BNIP2: variants seen among roughly 807,000 people sequenced by gnomAD.
BNIP2 encodes the protein BCL2/adenovirus E1B 19 kDa protein-interacting protein 2.
A neutral mutation model predicts 43.4 loss-of-function variants in BNIP2; 36 were observed. That is an observed-to-expected ratio of 0.83 (90% CI 0.64 to 1.10). The LOEUF is 1.10. Among genes scored for constraint, BNIP2 ranks in the 50% least tolerant of loss-of-function variants. The pLI, the probability that BNIP2 is intolerant of heterozygous loss-of-function variation, is 0.00. For missense variants in BNIP2, 417 were observed against 374.1 expected, an observed-to-expected ratio of 1.11 and a Z score of -0.95; for synonymous variants, 146 against 121.0, an observed-to-expected ratio of 1.21 and a Z score of -1.35.
At position 59,663,469 on chromosome 15, in the gene BNIP2, A is replaced by C. The variant is rs1057059; in HGVS notation, c.*600T>G. On this transcript the variant is annotated 3_prime_UTR_variant, in exon 10 of 10. Transcript: ENST00000607373. ...AAACAAATATGTTAAATGAGAAAAA[A>C]ACCTTGGGATGGTACTAATACACTT... 47,718 of 152,566 alleles carry C rather than the reference A, an allele frequency of 0.31. 8,427 individuals carry two copies. Among genetic ancestry groups the C allele is most frequent in the East Asian group, 0.58 (3,030 of 5,188 alleles). 9.5% of individuals were successfully genotyped at this position (152,566 alleles called of 1,614,324 possible). A position where few individuals can be genotyped will look rare whatever the true frequency, so the allele number is the denominator to read the frequency against.
Position 59,683,328 on chromosome 15 carries a change from T to A in BNIP2, c.-57-814A>T, listed in dbSNP as rs572240282. Among the ~76,000 whole-genome samples, 5 of 152,306 alleles carry A rather than the reference T, an allele frequency of 3.3e-5. No homozygotes were observed. The South Asian group carries it at 1.0e-3, about 32-fold the overall frequency. On this transcript the variant is annotated intron_variant, in intron 1 of 9. Coordinates refer to ENST00000607373, the MANE Select transcript of BNIP2 (RefSeq NM_004330.4). ...AAGGTAAAGATCAACTGGTTAACAA[T>A]GCAACAAAACAGTGAAAACTATAGA...
At chr15:59,688,576 G>C in intron 1 of BNIP2, 1 of 854,532 alleles carries the variant, frequency 1.2e-6, no homozygotes, top group South Asian at 1.6e-5. Flanking sequence ...CATTTTGCCA[G>C]GTATTTAAAC....
In BNIP2 at chr15:59,662,494, C is replaced by T. The variant is rs1220316455; in HGVS notation, c.*1575G>A. ...GGAATGTTTCATCCTGGGAATCCTC[C>T]AGCATCTCTCTCCTATAACTGGTTT... On this transcript the variant is annotated 3_prime_UTR_variant, in exon 10 of 10. Coordinates refer to ENST00000607373, the MANE Select transcript of BNIP2 (RefSeq NM_004330.4). 6.6e-6 allele frequency: 1 copy of T among 152,240 alleles called. No individual in the cohort carries two copies. Among genetic ancestry groups the T allele is most frequent in the Non-Finnish European group, 1.5e-5 (1 of 68,050 alleles). The allele number at this position is 152,240 out of a possible 1,614,324, so 9.4% of individuals were successfully genotyped here. A position where few individuals can be genotyped will look rare whatever the true frequency, so the allele number is the denominator to read the frequency against.
rs547141623 is a variant in BNIP2 at position 59,679,671 on chromosome 15, A to G, written c.216T>C (p.Asp72=). 1 of 1,613,116 alleles carries G rather than the reference A, an allele frequency of 6.2e-7. No homozygotes were observed. Among genetic ancestry groups the G allele is most frequent in the East Asian group, 2.2e-5 (1 of 44,788 alleles). The change falls in exon 4 of 10, where the codon GAT becomes GAC. Residue 72 remains aspartate, a synonymous_variant. Transcript: ENST00000607373. ...LDPSDGSVLS[D]DLDESGEIDL... is the part of the protein sequence containing the mutation. ...CAATCTCCCCACTTTCATCCAAATC[A>G]TCTGACAATACAGAGCCATCACTAG...
At chr15:59,686,834 T>C (rs1894046017) in intron 1 of BNIP2, among the ~76,000 whole-genome samples, 1 of 152,084 alleles carries the variant, frequency 6.6e-6, no homozygotes, top group South Asian at 2.1e-4. Context: ...CTGGCCAACA[T>C]GGTGAAACCC....
In BNIP2 at chr15:59,688,703, T is replaced by C; in HGVS notation, c.-58+432A>G. On this transcript the variant is annotated intron_variant, in intron 1 of 9. Coordinates refer to ENST00000607373, the MANE Select transcript of BNIP2 (RefSeq NM_004330.4). ...GCCCTGATTACTTATGCTGCTTCCG[T>C]GTCTATTCCCCGCGGTTACGAGGCA... The C allele has an allele frequency of 2.6e-6, 4 of 1,535,162 alleles. No homozygotes were observed. The African/African-American group carries it at 4.1e-5, about 16-fold the overall frequency.
In BNIP2 at chr15:59,660,738, G is replaced by A. The variant is rs1892211661; in HGVS notation, c.*3331C>T. ...AGTATTCAGTGCACTTACTAGTGATGTCCATTTTGGAAGACTAAATCAATG... is the reference window on the plus strand; with the variant it reads ...AGTATTCAGTGCACTTACTAGTGATATCCATTTTGGAAGACTAAATCAATG... On this transcript the variant is annotated 3_prime_UTR_variant, in exon 10 of 10. Coordinates refer to ENST00000607373, the MANE Select transcript of BNIP2 (RefSeq NM_004330.4). 6.6e-6 allele frequency: 1 copy of A among 152,082 alleles called. No homozygotes were observed. Among genetic ancestry groups the A allele is most frequent in the South Asian group, 2.1e-4 (1 of 4,836 alleles). The allele number at this position is 152,082 out of a possible 1,614,324, so 9.4% of individuals were successfully genotyped here. A position where few individuals can be genotyped will look rare whatever the true frequency, so the allele number is the denominator to read the frequency against.
rs1893383331 is a variant in BNIP2 at position 59,677,554 on chromosome 15, C to G, written c.472+357G>C. On this transcript the variant is annotated intron_variant, in intron 5 of 9. Coordinates refer to ENST00000607373, the MANE Select transcript of BNIP2 (RefSeq NM_004330.4). ...CCTACTTTACCAAAGGAGGGGAGAC[C>G]TTAAGAATTTTGACACAGTATGTCA... Among the ~76,000 whole-genome samples the G allele has an allele frequency of 3.3e-5, 5 of 152,156 alleles. No homozygotes were observed. In the South Asian group the frequency reaches 1.0e-3, roughly 32 times the overall value.
intron 2 of BNIP2, among the ~76,000 whole-genome samples, chr15:59,681,449 A>ATT (rs34488048): frequency 1.1e-4 from 15 of 136,736 alleles, no homozygotes; most frequent in African/African-American, 1.3e-4. Context: ...GAACCCACAA[A>ATT]TTTTTTTTTT....
intron 1 of BNIP2, among the ~76,000 whole-genome samples, chr15:59,684,711 T>A (rs1893905453): frequency 6.6e-6 from 1 of 152,244 alleles, no homozygotes; most frequent in Admixed American, 6.5e-5. Flanking sequence ...CTAAATTCAA[T>A]AATCAGAAAA....
intron 5 of BNIP2, among the ~76,000 whole-genome samples, chr15:59,674,027 T>C (rs570275383): frequency 4.8e-5 from 7 of 147,342 alleles, no homozygotes; most frequent in Non-Finnish European, 8.9e-5. Flanking sequence ...GAGGCGGAGG[T>C]TGCAGTGAGT....
chr15:59,661,535 A>G lies in BNIP2; in HGVS notation c.*2534T>C, dbSNP rs1365602031. The G allele has an allele frequency of 6.6e-6, 1 of 152,130 alleles. No homozygotes were observed. Among genetic ancestry groups the G allele is most frequent in the Non-Finnish European group, 1.5e-5 (1 of 68,024 alleles). 9.4% of individuals were successfully genotyped at this position (152,130 alleles called of 1,614,324 possible). A position where few individuals can be genotyped will look rare whatever the true frequency, so the allele number is the denominator to read the frequency against. On this transcript the variant is annotated 3_prime_UTR_variant, in exon 10 of 10. Coordinates refer to ENST00000607373, the MANE Select transcript of BNIP2 (RefSeq NM_004330.4). The stretch of plus-strand genomic sequence containing the variant: ...GTTAAGCTTAAATTGTGGGGTGAAT[A>G]GAACGTCTTCCCTTGGTGCTTGCTT...
intron 5 of BNIP2, among the ~76,000 whole-genome samples, chr15:59,673,916 C>A (rs982746446): frequency 6.6e-6 from 1 of 151,844 alleles, no homozygotes; most frequent in Non-Finnish European, 1.5e-5. Context: ...TGGCGAAACC[C>A]CATCTCTACT....
chr15:59,670,730 C>A (rs1243143066), intron 7 of BNIP2, among the ~76,000 whole-genome samples: 9 of 152,068 alleles, frequency 5.9e-5, no homozygotes, highest in Non-Finnish European at 1.2e-4. Flanking sequence ...AAAACAGAAA[C>A]CTGCCATGAA....
intron 1 of BNIP2, 68 bp downstream of exon 1, chr15:59,689,067 T>C (rs1894213160): frequency 1.4e-6 from 2 of 1,478,092 alleles, no homozygotes; most frequent in South Asian, 1.3e-5. Flanking sequence ...CGACAGACTT[T>C]CGCCCCTAGG....
intron 1 of BNIP2, among the ~76,000 whole-genome samples, chr15:59,687,092 G>A (rs914268655): frequency 7.9e-5 from 12 of 152,090 alleles, no homozygotes; most frequent in East Asian, 3.9e-4. Context: ...GAGTTCTCTC[G>A]AAATTGTGAA....
intron 1 of BNIP2, among the ~76,000 whole-genome samples, chr15:59,687,855 C>T (rs576397769): frequency 1.3e-5 from 2 of 151,786 alleles, no homozygotes; most frequent in East Asian, 3.9e-4. Flanking sequence ...CTTGTGTTAT[C>T]ATCATTTTAT....
chr15:59,671,201 T>A lies in BNIP2; in HGVS notation c.689A>T (p.Tyr230Phe). The change falls in exon 7 of 10, where the codon TAT becomes TTT. Residue 230 changes from tyrosine to phenylalanine, a missense_variant. Physicochemically the swap from Tyr to Phe is conservative, Grantham distance 22. Coordinates refer to ENST00000607373, the MANE Select transcript of BNIP2 (RefSeq NM_004330.4). ...GTATTACCTTCTATCAATTTGCTGA[T>A]AACATTTCCTGAGCCATCCCAGACT... is the stretch of plus-strand genomic sequence containing the variant. Reference protein sequence around the residue: ...MPSLGWLRKCYQQIDRRLRKN... With the variant: ...MPSLGWLRKCFQQIDRRLRKN... 6.3e-7 allele frequency: 1 copy of A among 1,599,026 alleles called. No individual in the cohort carries two copies. The highest frequency in any genetic ancestry group is 8.5e-7 in the Non-Finnish European group (1 of 1,171,646).
Position 59,674,131 on chromosome 15 carries a change from T to G in BNIP2, c.473-1392A>C, listed in dbSNP as rs143524367. 2.0e-5 allele frequency among the ~76,000 whole-genome samples: 3 copies of G among 149,608 alleles called. No individual in the cohort carries two copies. In the East Asian group the frequency reaches 6.0e-4, roughly 30 times the overall value. ...ACAAAAACAAAAAAACAAACTAAAT[T>G]ACATCTCTGACATAATTTTCAGTAA... On this transcript the variant is annotated intron_variant, in intron 5 of 9. Transcript: ENST00000607373.
Sources: gnomAD v4.1 joint callset for allele counts (sites outside exome capture counted in the v4.1 genomes callset) on GRCh38, gnomAD v4.1.1 for gene constraint, MANE v1.5 for transcripts, NCBI Gene and HGNC (gene_info 2026-07-23, HGNC 2026-07-21) for gene names.